NOL3: variants seen among roughly 807,000 people sequenced by gnomAD.
NOL3 encodes nucleolar protein 3, also known as muscle-enriched cytoplasmic protein.
Under a neutral mutation model 19.2 loss-of-function variants are expected in NOL3, and 18 were observed. The ratio of observed to expected loss-of-function variants is 0.94; its 90% confidence interval spans 0.65 to 1.39. NOL3 has a LOEUF of 1.39. Ranked by LOEUF, NOL3 falls within the 40% of genes most tolerant of loss-of-function variation. The probability of loss-of-function intolerance (pLI) is 0.00; values close to 1 mark genes in which losing one functional copy is unlikely to be tolerated. For missense variants in NOL3, 290 were observed against 289.5 expected (o/e 1.00, Z -0.01); for synonymous variants, 127 against 137.3 (o/e 0.93, Z 0.52).
rs2032051124 is a variant in NOL3, at chr16:67,174,761, C to T, written c.436C>T (p.Gln146Ter). The change falls in exon 3 of 4, where the codon CAA becomes TAA. Residue 146 changes from glutamine to a stop codon, truncating the protein, a stop_gained. Transcript: ENST00000268605. LOFTEE classifies it high-confidence loss of function. Reference sequence around the variant, plus strand: ...GGGCCCTGAGGGCTCCGAGGCGGTGCAATCCGGGACCCCGGAGGAGCCAGA... The same window carrying T: ...GGGCCCTGAGGGCTCCGAGGCGGTGTAATCCGGGACCCCGGAGGAGCCAGA... The T allele has an allele frequency of 1.9e-6, 3 of 1,609,340 alleles. No homozygotes were observed. The highest frequency in any genetic ancestry group is 2.5e-6 in the Non-Finnish European group (3 of 1,177,938).
chr16:67,175,160 TG>T (rs757539487), exon 4 of NOL3: 1 of 1,590,894 alleles, frequency 6.3e-7, no homozygotes, highest in Non-Finnish European at 8.6e-7. Context: ...CCAGTACCGC[TG>T]GAAGTGAATA....
chr16:67,174,402 G>A, exon 2 of NOL3: 1 of 1,547,002 alleles, frequency 6.5e-7, no homozygotes. Flanking sequence ...GAGCTGCTAC[G>A]CTGTGCCCAG....
intron 1 of NOL3, chr16:67,173,841 C>A: frequency 6.5e-7 from 1 of 1,529,962 alleles, no homozygotes; most frequent in Non-Finnish European, 8.7e-7. Flanking sequence ...TCAGGACGTC[C>A]TGGTTGGGGA....
chr16:67,171,020 T>G (rs1447623568), intron 1 of NOL3: 1 of 151,988 alleles, frequency 6.6e-6, no homozygotes, highest in Admixed American at 6.6e-5. Context: ...CCAGCTGGAG[T>G]CTCTACCCCC....
chr16:67,174,052 C>A, intron 1 of NOL3, 110 bp from the exon 2 acceptor site: 2 of 1,564,200 alleles, frequency 1.3e-6, no homozygotes, highest in Non-Finnish European at 1.7e-6. Flanking sequence ...TCGAGGTGAA[C>A]TTAAACCCCA....
At chr16:67,173,291 T>G (rs1002577583) in intron 1 of NOL3, among the ~76,000 whole-genome samples, 1 of 151,454 alleles carries the variant, frequency 6.6e-6, no homozygotes, top group African/African-American at 2.4e-5. Context: ...ACATTAGGAG[T>G]TAGGGCTTCA....
chr16:67,175,341 T>C, exon 4 of NOL3: 1 of 1,316,432 alleles, frequency 7.6e-7, no homozygotes, highest in Non-Finnish European at 9.7e-7. Context: ...GGCTGCACCC[T>C]GGAGATCCCA....
At chr16:67,172,408 C>G (rs553765754) in intron 1 of NOL3, among the ~76,000 whole-genome samples, 6 of 151,866 alleles carry the variant, frequency 4.0e-5, no homozygotes, top group Admixed American at 2.0e-4. Context: ...GTCAGGAGTT[C>G]GAGACCAGCC....
chr16:67,175,407 A>C, exon 4 of NOL3: 1 of 1,115,320 alleles, frequency 9.0e-7, no homozygotes, highest in Admixed American at 4.2e-5. Flanking sequence ...TACACAACCC[A>C]TTTCCCCTGG....
At chr16:67,171,770 C>T (rs1017788846) in intron 1 of NOL3, 5 of 152,178 alleles carry the variant, frequency 3.3e-5, no homozygotes, top group African/African-American at 9.7e-5. Context: ...ACTGTGCTAT[C>T]GGGCCTGGCA....
At chr16:67,174,419 G>T in exon 2 of NOL3, 2 of 1,528,880 alleles carry the variant, frequency 1.3e-6, no homozygotes, top group Non-Finnish European at 1.8e-6. Flanking sequence ...CCAGCGTACC[G>T]CGGGCGCGCC....
At chr16:67,173,137 T>C (rs1251987158) in intron 1 of NOL3, 2 of 148,588 alleles carry the variant, frequency 1.3e-5, no homozygotes, top group African/African-American at 2.5e-5. Context: ...GTGCGATCCA[T>C]GGAGGAAAAT....
exon 3 of NOL3, chr16:67,174,940 CGAA>C (rs2032074032): frequency 5.0e-6 from 8 of 1,611,668 alleles, no homozygotes; most frequent in Non-Finnish European, 6.8e-6. Flanking sequence ...GGGACGAGTC[CGAA>C]GGTGTGAGTC....
chr16:67,174,421 G>A (rs1156575196), exon 2 of NOL3: 6 of 1,525,942 alleles, frequency 3.9e-6, no homozygotes, highest in South Asian at 3.6e-5. Flanking sequence ...AGCGTACCGC[G>A]GGCGCGCCGG....
exon 2 of NOL3, chr16:67,174,203 A>G (rs778547648): frequency 6.2e-7 from 1 of 1,612,378 alleles, no homozygotes; most frequent in Admixed American, 1.7e-5. Context: ...GTCAGAGACT[A>G]TCGACCGCGA....
exon 3 of NOL3, chr16:67,174,655 A>T: frequency 6.4e-7 from 1 of 1,572,902 alleles, no homozygotes; most frequent in Non-Finnish European, 8.6e-7. Context: ...CTCCATGCCC[A>T]GGCCACTGGA....
chr16:67,174,906 A>G, exon 3 of NOL3: 1 of 1,613,374 alleles, frequency 6.2e-7, no homozygotes, highest in Non-Finnish European at 8.5e-7. Context: ...CCGGACCCAG[A>G]GCCCGAGCCC....
chr16:67,174,534 G>T (rs1597255196), intron 2 of NOL3, 70 bp downstream of exon 2: 48 of 1,475,896 alleles, frequency 3.3e-5, no homozygotes, highest in Non-Finnish European at 4.1e-5. Context: ...CCCGGGGAGG[G>T]CAGGGTTGTC....
chr16:67,172,476 G>A (rs1378161086), intron 1 of NOL3, among the ~76,000 whole-genome samples: 1 of 151,450 alleles, frequency 6.6e-6, no homozygotes, highest in East Asian at 2.0e-4. Context: ...GCTGAGCGTG[G>A]TGCGGGCACC....
Sources: allele counts gnomAD v4.1 joint callset (sites outside exome capture counted in the v4.1 genomes callset), GRCh38; gene constraint gnomAD v4.1.1; transcripts MANE v1.5; gene names NCBI Gene and HGNC (gene_info 2026-07-23, HGNC 2026-07-21).